PCNX2: variants seen among roughly 807,000 people sequenced by gnomAD.
The protein encoded by PCNX2 is pecanex-like protein 2.
In PCNX2, 168 loss-of-function variants were observed where a neutral mutation model predicts 223.8. The ratio of observed to expected loss-of-function variants is 0.75; its 90% CI spans 0.66 to 0.85. PCNX2 has a LOEUF of 0.85. Ranked by LOEUF, PCNX2 falls within the 40% of genes least tolerant of loss-of-function variation. The pLI is 0.00. For missense variants in PCNX2, 2,507 were observed against 2,675.5 expected (o/e 0.94, Z 1.39); for synonymous variants, 1,006 against 1,052.6 (o/e 0.96, Z 0.86).
At chr1:233,178,720 A>AG (rs1679626156) in intron 16 of PCNX2, among the ~76,000 whole-genome samples, 1 of 152,122 alleles carries the variant, frequency 6.6e-6, no homozygotes, top group African/African-American at 2.4e-5. Context: ...ATGGATCTAG[A>AG]GAGGGTATTG....
At chr1:233,019,153 C>G (rs1670788417) in intron 26 of PCNX2, 1 of 985,286 alleles carries the variant, frequency 1.0e-6, no homozygotes, top group South Asian at 4.7e-5. Context: ...ACTGCAAATG[C>G]ATGACTTAGG....
intron 25 of PCNX2, among the ~76,000 whole-genome samples, chr1:233,038,047 T>C (rs561106369): frequency 1.3e-5 from 2 of 152,354 alleles, no homozygotes; most frequent in South Asian, 4.1e-4. Context: ...ACTATTCTTG[T>C]GGAAGGGTCT....
At chr1:233,116,022 AG>A (rs960827550) in intron 21 of PCNX2, among the ~76,000 whole-genome samples, 7 of 152,202 alleles carry the variant, frequency 4.6e-5, no homozygotes, top group African/African-American at 7.2e-5. Flanking sequence ...GAGAAAGCAA[AG>A]AAATTACCAG....
chr1:233,130,775 G>GC (rs1676452013), intron 21 of PCNX2, among the ~76,000 whole-genome samples: 2 of 151,518 alleles, frequency 1.3e-5, no homozygotes, highest in African/African-American at 4.9e-5. Context: ...GTGCCACTGT[G>GC]CCCGGCACCC....
chr1:233,025,353 G>A lies in PCNX2; in HGVS notation c.4398C>T (p.Asp1466=), dbSNP rs367544573. The change falls in exon 26 of 34, where the codon GAC becomes GAT. Residue 1466 remains aspartate (D), a synonymous_variant. Coordinates refer to ENST00000258229, the MANE Select transcript of PCNX2 (RefSeq NM_014801.4). ...QREVEAIMEG[D]EEDRGCCCCK... ...AGCAGCAGCAGCCTCTGTCCTCCTCGTCGCCCTCCATGATGGCTTCTACCT... is the reference window on the plus strand; with the variant it reads ...AGCAGCAGCAGCCTCTGTCCTCCTCATCGCCCTCCATGATGGCTTCTACCT... 60 of 1,613,850 alleles carry A rather than the reference G, an allele frequency of 3.7e-5. 1 individual carries two copies. Among genetic ancestry groups the A allele is most frequent in the South Asian group, 9.9e-5 (9 of 91,088 alleles).
chr1:233,180,146 G>C (rs1018810858), intron 15 of PCNX2, among the ~76,000 whole-genome samples: 14 of 152,182 alleles, frequency 9.2e-5, no homozygotes, highest in Non-Finnish European at 2.1e-4. Flanking sequence ...CTATTTCTTT[G>C]TGGCACCAGG....
chr1:233,319,018 C>A, the PCNX2 span, among the ~76,000 whole-genome samples: 8 of 152,154 alleles, frequency 5.3e-5, no homozygotes, highest in African/African-American at 1.9e-4. Context: ...GGACATTTGT[C>A]CACCTCACAC....
intron 23 of PCNX2, among the ~76,000 whole-genome samples, chr1:233,085,682 T>G (rs564133376): frequency 2.9e-4 from 44 of 152,270 alleles, no homozygotes; most frequent in African/African-American, 1.1e-3. Context: ...AATGTAACTT[T>G]TATTAATACC....
At chr1:233,129,501 G>T (rs1398197047) in intron 21 of PCNX2, among the ~76,000 whole-genome samples, 1 of 152,250 alleles carries the variant, frequency 6.6e-6, no homozygotes, top group Non-Finnish European at 1.5e-5. Context: ...GCTGAAGAGT[G>T]TGGGTTCACA....
At chr1:233,204,350 C>G (rs557395086) in intron 13 of PCNX2, among the ~76,000 whole-genome samples, 2 of 152,304 alleles carry the variant, frequency 1.3e-5, no homozygotes, top group Non-Finnish European at 2.9e-5. Context: ...AACTGCAAGA[C>G]AATAATCTTC....
chr1:233,059,288 C>A (rs984575275), intron 23 of PCNX2, among the ~76,000 whole-genome samples: 4 of 152,182 alleles, frequency 2.6e-5, no homozygotes, highest in Non-Finnish European at 5.9e-5. Flanking sequence ...CCTGTCAAGG[C>A]TAACATCAAT....
At chr1:233,219,584 A>G (rs944778792) in intron 10 of PCNX2, among the ~76,000 whole-genome samples, 1 of 152,066 alleles carries the variant, frequency 6.6e-6, no homozygotes, top group African/African-American at 2.4e-5. Context: ...AGACAAGAAT[A>G]TTTGGCTACT....
chr1:232,984,290 C>T lies in PCNX2; in HGVS notation c.*14G>A, dbSNP rs1393069058. 17 of 1,580,792 alleles carry T rather than the reference C, an allele frequency of 1.1e-5. No homozygotes were observed. Among genetic ancestry groups the T allele is most frequent in the East Asian group, 4.6e-5 (2 of 43,874 alleles). On this transcript the variant is annotated 3_prime_UTR_variant, in exon 34 of 34. Transcript: ENST00000258229. The stretch of plus-strand genomic sequence containing the variant: ...GTGTGGGGGAGCCAGCCTCCCCGCC[C>T]GGCCGCACGCCCGTCACTGCTCGTC...
At chr1:233,167,916 AT>A in intron 17 of PCNX2, 1 of 752,192 alleles carries the variant, frequency 1.3e-6, no homozygotes, top group Non-Finnish European at 1.6e-6. Flanking sequence ...AGGTAGGTAT[AT>A]TTTATTTTGA....
chr1:233,143,774 T>A (rs1031649217), intron 19 of PCNX2, among the ~76,000 whole-genome samples: 1 of 152,162 alleles, frequency 6.6e-6, no homozygotes, highest in African/African-American at 2.4e-5. Context: ...GCCTAAAAAA[T>A]TATAATTATC....
At chr1:233,059,254 TA>T (rs1478794535) in intron 23 of PCNX2, among the ~76,000 whole-genome samples, 1 of 152,216 alleles carries the variant, frequency 6.6e-6, no homozygotes, top group Non-Finnish European at 1.5e-5. Context: ...TCACATGTTG[TA>T]CCTGTACCTC....
Position 232,984,108 on chromosome 1 carries a change from ATTT to A in PCNX2, c.*193_*195del, listed in dbSNP as rs373209360. 435 of 135,114 alleles carry A rather than the reference ATTT, an allele frequency of 3.2e-3. No individual in the cohort carries two copies. Among genetic ancestry groups the A allele is most frequent in the African/African-American group, 7.4e-3 (115 of 15,452 alleles). 8.4% of individuals were successfully genotyped at this position (135,114 alleles called of 1,614,324 possible). On this transcript the variant is annotated 3_prime_UTR_variant, in exon 34 of 34. Transcript: ENST00000258229. ...GAGGTTTTTTTGTTGTTGTTGTTTG[ATTT>A]TTTTTTTTTTTTTTTTTTTTTTTTC...
intron 30 of PCNX2, among the ~76,000 whole-genome samples, chr1:232,999,846 C>T (rs1670018314): frequency 1.3e-5 from 2 of 152,198 alleles, no homozygotes; most frequent in African/African-American, 4.8e-5. Flanking sequence ...ATGCCATCTT[C>T]ATGGGGAAAC....
intron 25 of PCNX2, among the ~76,000 whole-genome samples, chr1:233,039,797 T>C (rs1671580632): frequency 6.6e-6 from 1 of 152,250 alleles, no homozygotes; most frequent in African/African-American, 2.4e-5. Context: ...TTGCCAACCA[T>C]GTGGTCACAT....
Sources: gnomAD v4.1 joint callset for allele counts (sites outside exome capture counted in the v4.1 genomes callset) on GRCh38, gnomAD v4.1.1 for gene constraint, MANE v1.5 for transcripts, NCBI Gene and HGNC (gene_info 2026-07-23, HGNC 2026-07-21) for gene names.